Variants in SLX4IP observed in about 807,000 individuals in gnomAD.
SLX4IP encodes the protein SLX4 interacting protein, also known as protein SLX4IP.
In SLX4IP, 34 loss-of-function variants were observed where a neutral mutation model predicts 32.9. The observed-to-expected ratio is 1.03, with a 90% confidence interval of 0.79 to 1.38. The LOEUF is 1.38. SLX4IP is among the 40% of genes most tolerant of loss of function. The probability of loss-of-function intolerance (pLI) is 0.00; values close to 1 mark genes in which losing one functional copy is unlikely to be tolerated. For missense variants in SLX4IP, 444 were observed against 479.0 expected, an observed-to-expected ratio of 0.93 and a Z score of 0.68; for synonymous variants, 172 against 171.7, an observed-to-expected ratio of 1.00 and a Z score of -0.01.
rs564298019 is a variant in SLX4IP at position 10,609,748 on chromosome 20, G to A, written c.405+7929G>A. Among the ~76,000 whole-genome samples the A allele has an allele frequency of 1.4e-4, 21 of 152,174 alleles. No individual in the cohort carries two copies. In the East Asian group the frequency reaches 2.9e-3, roughly 21 times the overall value. On this transcript the variant is annotated intron_variant, in intron 6 of 7. Coordinates refer to ENST00000334534, the MANE Select transcript of SLX4IP (RefSeq NM_001009608.3). ...AAGAGGTCTGTCTACCTTCCCACAG[G>A]TGTTGGCACTTTTCAACCACAGGCC...
intron 4 of SLX4IP, among the ~76,000 whole-genome samples, chr20:10,571,083 T>C (rs1438590322): frequency 1.3e-5 from 2 of 152,214 alleles, no homozygotes; most frequent in African/African-American, 4.8e-5. Flanking sequence ...TCCTCCTGCC[T>C]CAGCCTCCGA....
At chr20:10,490,938 G>C (rs146497385) in intron 2 of SLX4IP, among the ~76,000 whole-genome samples, 9 of 152,036 alleles carry the variant, frequency 5.9e-5, no homozygotes, top group South Asian at 2.1e-4. Context: ...ACCCTCACAG[G>C]GGGGTATCCA....
intron 4 of SLX4IP, among the ~76,000 whole-genome samples, chr20:10,589,692 A>T (rs1247195588): frequency 2.0e-5 from 3 of 152,222 alleles, no homozygotes; most frequent in African/African-American, 7.2e-5. Flanking sequence ...GTCAATGTTC[A>T]TAGTACTGAG....
chr20:10,586,160 C>A (rs1315251582), intron 4 of SLX4IP, among the ~76,000 whole-genome samples: 1 of 152,148 alleles, frequency 6.6e-6, no homozygotes, highest in Non-Finnish European at 1.5e-5. Context: ...CCTATGGCTA[C>A]TGATGATCCT....
intron 4 of SLX4IP, among the ~76,000 whole-genome samples, chr20:10,574,253 A>C (rs1042427926): frequency 6.6e-6 from 1 of 152,240 alleles, no homozygotes; most frequent in African/African-American, 2.4e-5. Context: ...GTGATGTACA[A>C]ATCTTCCAGA....
At chr20:10,564,357 T>C (rs943660621) in intron 4 of SLX4IP, among the ~76,000 whole-genome samples, 2 of 152,216 alleles carry the variant, frequency 1.3e-5, no homozygotes, top group African/African-American at 4.8e-5. Context: ...CTATGTCTCA[T>C]GTTCCCTGAA....
chr20:10,558,119 T>A (rs1004813954), intron 3 of SLX4IP, among the ~76,000 whole-genome samples: 4 of 152,100 alleles, frequency 2.6e-5, no homozygotes, highest in Non-Finnish European at 4.4e-5. Context: ...GCAGGCGGAT[T>A]GCCTGAGTCT....
chr20:10,543,488 G>A (rs1395820470), intron 2 of SLX4IP, among the ~76,000 whole-genome samples: 2 of 152,206 alleles, frequency 1.3e-5, no homozygotes, highest in South Asian at 2.1e-4. Context: ...TGAGACTGAT[G>A]AAAGTGCAGA....
intron 4 of SLX4IP, among the ~76,000 whole-genome samples, chr20:10,591,641 T>C (rs539486904): frequency 2.3e-4 from 35 of 152,354 alleles, no homozygotes; most frequent in African/African-American, 7.7e-4. Context: ...GTTTTATAAG[T>C]ACACAGTATT....
chr20:10,456,799 T>G (rs2122340893), intron 1 of SLX4IP, among the ~76,000 whole-genome samples: 1 of 152,380 alleles, frequency 6.6e-6, no homozygotes, highest in South Asian at 2.1e-4. Context: ...ATAGGGATTA[T>G]GTTGAATCTG....
intron 2 of SLX4IP, among the ~76,000 whole-genome samples, chr20:10,536,967 G>T (rs2066052271): frequency 6.6e-6 from 1 of 152,132 alleles, no homozygotes; most frequent in Non-Finnish European, 1.5e-5. Context: ...TGCTTCATTA[G>T]CTAACACATG....
At chr20:10,564,515 G>A (rs2066368514) in intron 4 of SLX4IP, among the ~76,000 whole-genome samples, 1 of 151,924 alleles carries the variant, frequency 6.6e-6, no homozygotes, top group Admixed American at 6.6e-5. Context: ...CCTCAACTTG[G>A]GTATATATAC....
intron 2 of SLX4IP, among the ~76,000 whole-genome samples, chr20:10,501,738 CT>C (rs73615511): frequency 0.2 from 30,348 of 152,254 alleles, 3,620 homozygotes; most frequent in East Asian, 0.27. Context: ...TTAAAGCAGT[CT>C]GGTGGTGAAA....
At chr20:10,575,219 A>G (rs2066511635) in intron 4 of SLX4IP, among the ~76,000 whole-genome samples, 1 of 152,318 alleles carries the variant, frequency 6.6e-6, no homozygotes, top group South Asian at 2.1e-4. Flanking sequence ...GTTCGGTCAC[A>G]GTATTTCTAA....
Position 10,495,152 on chromosome 20 carries a change from A to G in SLX4IP, c.27+36921A>G, listed in dbSNP as rs547164118. Among the ~76,000 whole-genome samples the G allele has an allele frequency of 3.9e-5, 6 of 152,294 alleles. No individual in the cohort carries two copies. In the South Asian group the frequency reaches 6.2e-4, roughly 16 times the overall value. ...AAATACGTATATGACTGTAAAATAT[A>G]TCTAAGAGTCACTTTAACTGCATGT... On this transcript the variant is annotated intron_variant, in intron 2 of 7. Transcript: ENST00000334534.
intron 6 of SLX4IP, among the ~76,000 whole-genome samples, chr20:10,620,511 A>G (rs1453564512): frequency 1.3e-5 from 2 of 152,194 alleles, no homozygotes; most frequent in Admixed American, 6.5e-5. Context: ...CAAAATACCA[A>G]TATTAAAAGA....
intron 2 of SLX4IP, among the ~76,000 whole-genome samples, chr20:10,477,285 A>ACT (rs1355015431): frequency 6.6e-6 from 1 of 152,018 alleles, no homozygotes; most frequent in African/African-American, 2.4e-5. Flanking sequence ...TAGCTGGGTT[A>ACT]CAGGTATGCA....
At chr20:10,556,461 A>G in intron 3 of SLX4IP, 141 bp downstream of exon 3, 1 of 830,510 alleles carries the variant, frequency 1.2e-6, no homozygotes, top group East Asian at 2.7e-5. Context: ...ATTCCCAATG[A>G]CAGACACATA....
At chr20:10,567,177 A>G (rs1044381536) in intron 4 of SLX4IP, among the ~76,000 whole-genome samples, 1 of 152,164 alleles carries the variant, frequency 6.6e-6, no homozygotes, top group Non-Finnish European at 1.5e-5. Context: ...AGCTAGGGAA[A>G]GAGGCCAGCC....
Sources: gnomAD v4.1 joint callset for allele counts (sites outside exome capture counted in the v4.1 genomes callset) on GRCh38, gnomAD v4.1.1 for gene constraint, MANE v1.5 for transcripts, NCBI Gene and HGNC (gene_info 2026-07-23, HGNC 2026-07-21) for gene names.